PTBP3: variants seen among roughly 807,000 people sequenced by gnomAD.
PTBP3 encodes the protein polypyrimidine tract binding protein 3.
PTBP3 carries 20 observed loss-of-function variants against 58.7 expected under a neutral mutation model. The ratio of observed to expected loss-of-function variants is 0.34; its 90% CI spans 0.24 to 0.50. The LOEUF (loss-of-function observed/expected upper bound fraction) is 0.50, where lower values mean the gene tolerates loss of function less well. PTBP3 is among the 20% of genes least tolerant of loss of function. The pLI, the probability that PTBP3 is intolerant of heterozygous loss-of-function variation, is 0.98. For synonymous variants in PTBP3, 185 were observed against 219.8 expected (o/e 0.84, Z 1.40); for missense variants, 509 against 637.2 (o/e 0.80, Z 2.17).
chr9:112,298,575 A>G lies in PTBP3; in HGVS notation c.-51-659T>C, dbSNP rs765453355. ...AAAGATTACTTTCAGGAAGGACAAT[A>G]AATACTATGTACAAAGTTAAAACCA... On this transcript the variant is annotated intron_variant, in intron 1 of 13. Coordinates refer to ENST00000374257, the MANE Select transcript of PTBP3 (RefSeq NM_001163788.4). 1.6e-5 allele frequency: 8 copies of G among 510,068 alleles called. No individual in the cohort carries two copies. In the East Asian group the frequency reaches 4.5e-4, roughly 29 times the overall value. The allele number at this position is 510,068 out of a possible 1,614,324, so 31.6% of individuals were successfully genotyped here. A position where few individuals can be genotyped will look rare whatever the true frequency, so the allele number is the denominator to read the frequency against.
At chr9:112,291,377 G>C (rs751340509) in intron 2 of PTBP3, among the ~76,000 whole-genome samples, 12 of 151,148 alleles carry the variant, frequency 7.9e-5, no homozygotes, top group Non-Finnish European at 1.8e-4. Flanking sequence ...AAAAAATCCT[G>C]ACATTCATAT....
the PTBP3 span, among the ~76,000 whole-genome samples, chr9:112,349,736 C>A: frequency 2.0e-5 from 3 of 151,494 alleles, no homozygotes; most frequent in Non-Finnish European, 4.4e-5. Flanking sequence ...GCAGGCGGGG[C>A]GCCTGTAATC....
chr9:112,244,599 A>T (rs2132043980), intron 7 of PTBP3, among the ~76,000 whole-genome samples: 2 of 152,160 alleles, frequency 1.3e-5, no homozygotes, highest in East Asian at 3.9e-4. Context: ...GGACTGCCTG[A>T]GCCTGGAGGT....
the PTBP3 span, among the ~76,000 whole-genome samples, chr9:112,376,091 A>C: frequency 6.7e-6 from 1 of 149,996 alleles, no homozygotes; most frequent in African/African-American, 2.5e-5. Flanking sequence ...CCTGTTGCAG[A>C]GCCTTCTCCT....
the PTBP3 span, among the ~76,000 whole-genome samples, chr9:112,356,810 AC>A: frequency 6.6e-6 from 1 of 150,954 alleles, no homozygotes; most frequent in Non-Finnish European, 1.5e-5. Flanking sequence ...ACACACACAC[AC>A]ACACACACAC....
intron 5 of PTBP3, among the ~76,000 whole-genome samples, chr9:112,259,578 T>A (rs1311052082): frequency 1.3e-5 from 2 of 152,144 alleles, no homozygotes; most frequent in Non-Finnish European, 1.5e-5. Context: ...AAGCCTCTGC[T>A]CAGATATCAT....
chr9:112,239,706 G>C (rs561361720), intron 7 of PTBP3, among the ~76,000 whole-genome samples: 4 of 151,638 alleles, frequency 2.6e-5, no homozygotes, highest in African/African-American at 9.7e-5. Context: ...ACTCCAGCCT[G>C]GGTAACAGAG....
At chr9:112,357,461 C>A in the PTBP3 span, among the ~76,000 whole-genome samples, 4 of 152,124 alleles carry the variant, frequency 2.6e-5, no homozygotes, top group Non-Finnish European at 4.4e-5. Context: ...AGTTGATCCT[C>A]TTACCTCAGC....
chr9:112,294,839 G>A (rs567906397), intron 2 of PTBP3, among the ~76,000 whole-genome samples: 35 of 152,184 alleles, frequency 2.3e-4, no homozygotes, highest in African/African-American at 8.4e-4. Context: ...GGTCTTCTCT[G>A]TACTAGCAGT....
intron 3 of PTBP3, 31 bp downstream of exon 3, chr9:112,275,813 C>A: frequency 2.0e-6 from 3 of 1,532,694 alleles, no homozygotes; most frequent in South Asian, 2.3e-5. Context: ...TGGAGATAAT[C>A]ACTCTTTGTC....
intron 12 of PTBP3, among the ~76,000 whole-genome samples, chr9:112,225,349 A>AT (rs1834941411): frequency 6.6e-6 from 1 of 152,128 alleles, no homozygotes; most frequent in African/African-American, 2.4e-5. Flanking sequence ...TTCAAAGGTT[A>AT]TTATGGATAA....
rs932884315 is a variant in PTBP3 at position 112,252,667 on chromosome 9, A to T, written c.627+11T>A. Reference sequence around the variant, plus strand: ...TTAACAATTGAAAAATGAAACAAAGATCATAATTACCATTTTGGCATAATG... The same window carrying T: ...TTAACAATTGAAAAATGAAACAAAGTTCATAATTACCATTTTGGCATAATG... On this transcript the variant is annotated intron_variant, in intron 6 of 13. Coordinates refer to ENST00000374257, the MANE Select transcript of PTBP3 (RefSeq NM_001163788.4). The T allele has an allele frequency of 1.3e-6, 2 of 1,544,074 alleles. No homozygotes were observed. The highest frequency in any genetic ancestry group is 2.7e-5 in the African/African-American group (2 of 73,454).
chr9:112,233,741 G>A (rs1243665752), intron 8 of PTBP3, among the ~76,000 whole-genome samples: 1 of 152,094 alleles, frequency 6.6e-6, no homozygotes, highest in African/African-American at 2.4e-5. Context: ...GACCAGCCTA[G>A]CCAACATGGC....
intron 1 of PTBP3, among the ~76,000 whole-genome samples, chr9:112,316,356 T>A (rs1179747762): frequency 6.6e-6 from 1 of 152,158 alleles, no homozygotes; most frequent in African/African-American, 2.4e-5. Flanking sequence ...TTTTACATAT[T>A]TATAAGAAGC....
chr9:112,284,859 TG>T (rs1828039714), intron 2 of PTBP3, among the ~76,000 whole-genome samples: 1 of 152,176 alleles, frequency 6.6e-6, no homozygotes, highest in Non-Finnish European at 1.5e-5. Context: ...GTACCCCCGT[TG>T]TATCTTCGAA....
Position 112,306,603 on chromosome 9 carries a change from TATTTTTG to T in PTBP3, c.-51-8694_-51-8688del, listed in dbSNP as rs1157432241. On this transcript the variant is annotated intron_variant, in intron 1 of 13. Coordinates refer to ENST00000374257, the MANE Select transcript of PTBP3 (RefSeq NM_001163788.4). ...TTAAATTTGTATATATATATATATATATTTTTGTTTGTTTGTTTGTTTGTTTGTTTTG... is the reference window on the plus strand; with the variant it reads ...TTAAATTTGTATATATATATATATATTTTGTTTGTTTGTTTGTTTGTTTTG... Among the ~76,000 whole-genome samples the T allele has an allele frequency of 3.5e-3, 314 of 89,870 alleles. 1 individual carries two copies. The highest frequency in any genetic ancestry group is 0.013 in the African/African-American group (295 of 22,162). 59.0% of individuals were successfully genotyped at this position (89,870 alleles called of 152,430 possible). A position where few individuals can be genotyped will look rare whatever the true frequency, so the allele number is the denominator to read the frequency against.
chr9:112,372,299 G>C, the PTBP3 span, among the ~76,000 whole-genome samples: 2 of 152,124 alleles, frequency 1.3e-5, no homozygotes, highest in South Asian at 4.2e-4. Flanking sequence ...GGCTGGTCTT[G>C]AACTCCTGGC....
chr9:112,278,198 G>C (rs192013487), intron 2 of PTBP3, among the ~76,000 whole-genome samples: 2 of 152,150 alleles, frequency 1.3e-5, no homozygotes, highest in Admixed American at 6.5e-5. Context: ...CCTAGAAAAA[G>C]GTAAGTGACT....
the PTBP3 span, among the ~76,000 whole-genome samples, chr9:112,342,329 C>T: frequency 1.4e-4 from 22 of 152,252 alleles, no homozygotes; most frequent in African/African-American, 2.6e-4. Flanking sequence ...TATGTCTCTG[C>T]GTGTGTGTGT....
Sources: allele counts gnomAD v4.1 joint callset (sites outside exome capture counted in the v4.1 genomes callset), GRCh38; gene constraint gnomAD v4.1.1; transcripts MANE v1.5; gene names NCBI Gene and HGNC (gene_info 2026-07-23, HGNC 2026-07-21).